Variants in PHIP observed in about 807,000 individuals in gnomAD.
PHIP encodes the protein PH-interacting protein.
PHIP carries 54 observed loss-of-function variants against 236.8 expected under a neutral mutation model. The ratio of observed to expected loss-of-function variants is 0.23; its 90% CI spans 0.18 to 0.29. The LOEUF (loss-of-function observed/expected upper bound fraction) is 0.29, where lower values mean the gene tolerates loss of function less well. PHIP is among the 10% of genes least tolerant of loss of function. PHIP has a pLI of 1.00. For synonymous variants in PHIP, 756 were observed against 718.9 expected (o/e 1.05, Z -0.83); for missense variants, 1,370 against 2,190.8 (o/e 0.63, Z 7.48).
intron 6 of PHIP, among the ~76,000 whole-genome samples, chr6:79,058,279 G>A (rs912406284): frequency 1.3e-5 from 2 of 152,006 alleles, no homozygotes; most frequent in Non-Finnish European, 2.9e-5. Flanking sequence ...TATATATAGG[G>A]TTCTGTACCA....
intron 27 of PHIP, among the ~76,000 whole-genome samples, chr6:78,966,833 A>C (rs1054988657): frequency 2.6e-5 from 4 of 152,202 alleles, no homozygotes; most frequent in Admixed American, 2.6e-4. Context: ...ACAGTACTTG[A>C]GTTTTCTCGT....
At chr6:78,974,882 C>A (rs957415218) in intron 24 of PHIP, among the ~76,000 whole-genome samples, 1 of 151,510 alleles carries the variant, frequency 6.6e-6, no homozygotes, top group Non-Finnish European at 1.5e-5. Flanking sequence ...CAATAATCAA[C>A]AGCTTACCAA....
At chr6:79,049,838 G>A (rs938496387) in intron 6 of PHIP, among the ~76,000 whole-genome samples, 3 of 152,064 alleles carry the variant, frequency 2.0e-5, no homozygotes, top group Non-Finnish European at 4.4e-5. Context: ...GTCTATATAT[G>A]GTGTTGGTGA....
intron 39 of PHIP, among the ~76,000 whole-genome samples, chr6:78,942,453 A>G (rs1773555854): frequency 6.6e-6 from 1 of 152,202 alleles, no homozygotes; most frequent in South Asian, 2.1e-4. Flanking sequence ...ACTGCACTCC[A>G]GCCTGGGCGA....
chr6:78,986,324 T>G (rs1377872157), intron 21 of PHIP, among the ~76,000 whole-genome samples: 2 of 152,194 alleles, frequency 1.3e-5, no homozygotes, highest in Admixed American at 6.5e-5. Flanking sequence ...TAAAATTGGG[T>G]TTTTTGATGG....
intron 15 of PHIP, among the ~76,000 whole-genome samples, chr6:79,010,228 T>C (rs898254914): frequency 2.6e-5 from 4 of 151,862 alleles, no homozygotes; most frequent in Non-Finnish European, 5.9e-5. Flanking sequence ...CCTAGATACA[T>C]ACAGCTACAA....
chr6:79,051,614 G>T (rs72904858), intron 6 of PHIP, among the ~76,000 whole-genome samples: 10,577 of 152,156 alleles, frequency 0.07, 461 homozygotes, highest in Non-Finnish European at 0.091. Flanking sequence ...GATGCATAAT[G>T]TCTGAAAAGG....
At chr6:78,991,060 A>G (rs1683915071) in intron 19 of PHIP, 75 bp from the exon 20 acceptor site, 1 of 850,162 alleles carries the variant, frequency 1.2e-6, no homozygotes, top group Admixed American at 2.3e-5. Flanking sequence ...GTTAGGTATC[A>G]GGAAAGGAAC....
chr6:79,046,804 A>T (rs1304390348), intron 6 of PHIP, among the ~76,000 whole-genome samples: 2 of 151,932 alleles, frequency 1.3e-5, no homozygotes, highest in African/African-American at 4.8e-5. Flanking sequence ...TGAACCCCGG[A>T]GACGGAGGTT....
intron 15 of PHIP, among the ~76,000 whole-genome samples, chr6:79,007,537 T>C (rs1770349070): frequency 6.6e-6 from 1 of 152,108 alleles, no homozygotes; most frequent in African/African-American, 2.4e-5. Flanking sequence ...GAGAAGTATA[T>C]GCTTCTAGAA....
At chr6:79,072,723 A>G (rs1773950335) in intron 4 of PHIP, among the ~76,000 whole-genome samples, 1 of 151,936 alleles carries the variant, frequency 6.6e-6, no homozygotes, top group Non-Finnish European at 1.5e-5. Context: ...ATGGCCTCCC[A>G]AAGTACTGGG....
chr6:79,014,635 C>G (rs1191458901), intron 15 of PHIP, among the ~76,000 whole-genome samples: 1 of 151,662 alleles, frequency 6.6e-6, no homozygotes, highest in Admixed American at 6.6e-5. Context: ...TAATATACTA[C>G]CAATTGATTA....
chr6:79,038,302 T>C (rs1234674886), intron 7 of PHIP, among the ~76,000 whole-genome samples: 3 of 152,232 alleles, frequency 2.0e-5, no homozygotes, highest in Non-Finnish European at 4.4e-5. Context: ...GTGTCAAAGA[T>C]AGTGCCTTCT....
rs201388942 is a variant in PHIP at position 79,070,963 on chromosome 6, CA to C, written c.189+6484del. On this transcript the variant is annotated intron_variant, in intron 4 of 39. Coordinates refer to ENST00000275034, the MANE Select transcript of PHIP (RefSeq NM_017934.7). ...ATGAATTCTTCCTGTGTCTCTTCTG[CA>C]AAAAAACCTGCCATAGCCATCTGTA... Among the ~76,000 whole-genome samples, 96 of 152,182 alleles carry C rather than the reference CA, an allele frequency of 6.3e-4. 1 individual carries two copies. In the East Asian group the frequency reaches 0.015, roughly 24 times the overall value.
chr6:78,978,657 G>T lies in PHIP; in HGVS notation c.2824C>A (p.Pro942Thr). 1 of 1,595,602 alleles carries T rather than the reference G, an allele frequency of 6.3e-7. No individual in the cohort carries two copies. The highest frequency in any genetic ancestry group is 8.6e-7 in the Non-Finnish European group (1 of 1,167,008). ...ENGLTLEEWL[P>T]STWITDTIPR... ...ATGGTATCTGTAATCCATGTTGATG[G>T]CAACCATTCTTCTAATGTCAAACCA... is the stretch of plus-strand genomic sequence containing the variant. Residue 942 changes from proline to threonine, a missense_variant, in exon 24 of 40, where the codon CCA becomes ACA. Pro to Thr is a conservative substitution (Grantham distance 38). Around this residue, in one of 14 missense-constraint regions of PHIP, gnomAD observed 238 missense variants for 398.5 expected, o/e 0.60. Transcript: ENST00000275034.
chr6:79,016,868 G>A (rs980393089), intron 12 of PHIP, among the ~76,000 whole-genome samples: 2 of 151,866 alleles, frequency 1.3e-5, no homozygotes, highest in Non-Finnish European at 2.9e-5. Flanking sequence ...AGGTCACTAT[G>A]TACTACCCTA....
chr6:79,075,479 T>C (rs1375479467), intron 4 of PHIP, among the ~76,000 whole-genome samples: 2 of 152,092 alleles, frequency 1.3e-5, no homozygotes, highest in Non-Finnish European at 2.9e-5. Flanking sequence ...TAGGTGAATT[T>C]TGAGCATAAT....
chr6:79,031,996 G>C (rs1431603951), intron 7 of PHIP, among the ~76,000 whole-genome samples: 1 of 152,206 alleles, frequency 6.6e-6, no homozygotes, highest in Admixed American at 6.5e-5. Flanking sequence ...AATTAAGCAA[G>C]TATTCCAACG....
rs1773247372 is a variant in PHIP, at chr6:78,935,580, A to G, written c.*5113T>C. ...TCACAGTAACTTACGGTAAGAAATCAATAAAATTGTTTTATTAAATGTACA... is the reference window on the plus strand; with the variant it reads ...TCACAGTAACTTACGGTAAGAAATCGATAAAATTGTTTTATTAAATGTACA... On this transcript the variant is annotated 3_prime_UTR_variant, in exon 40 of 40. Coordinates refer to ENST00000275034, the MANE Select transcript of PHIP (RefSeq NM_017934.7). 9 of 972,914 alleles carry G rather than the reference A, an allele frequency of 9.3e-6. No individual in the cohort carries two copies. The highest frequency in any genetic ancestry group is 9.8e-6 in the Non-Finnish European group (8 of 818,468). 60.3% of individuals were successfully genotyped at this position (972,914 alleles called of 1,614,324 possible). A position where few individuals can be genotyped will look rare whatever the true frequency, so the allele number is the denominator to read the frequency against.
Sources: allele counts gnomAD v4.1 joint callset (sites outside exome capture counted in the v4.1 genomes callset), GRCh38; gene constraint gnomAD v4.1.1; regional missense constraint gnomAD v4.1.1; transcripts MANE v1.5; gene names NCBI Gene and HGNC (gene_info 2026-07-23, HGNC 2026-07-21).